The following SMARCA4 variants were observed in gnomAD, a reference collection of about 807,000 sequenced individuals.
SMARCA4 encodes the protein SWI/SNF-related matrix-associated actin-dependent regulator of chromatin subfamily A member 4.
SMARCA4 carries 31 observed loss-of-function variants against 193.9 expected under a neutral mutation model. The ratio of observed to expected loss-of-function variants is 0.16; its 90% CI spans 0.12 to 0.22. The LOEUF (loss-of-function observed/expected upper bound fraction) is 0.22, where lower values mean the gene tolerates loss of function less well. SMARCA4 is among the 10% of genes least tolerant of loss of function. The pLI is 1.00. For synonymous variants in SMARCA4, 942 were observed against 933.1 expected (o/e 1.01, Z -0.17); for missense variants, 1,148 against 2,296.0 (o/e 0.50, Z 10.22).
intron 1 of SMARCA4, among the ~76,000 whole-genome samples, chr19:10,982,888 G>A (rs565329792): frequency 5.9e-5 from 9 of 152,250 alleles, no homozygotes; most frequent in Non-Finnish European, 4.4e-5. Flanking sequence ...GAAATATGCC[G>A]GAGAGTTCAG....
rs1174170516 is a variant in SMARCA4 at position 11,041,718 on chromosome 19, A to G, written c.4424+158A>G. On this transcript the variant is annotated intron_variant, in intron 30 of 34. Coordinates refer to ENST00000344626, the MANE Select transcript of SMARCA4 (RefSeq NM_003072.5). The surrounding 1 kb of genome is among the most constrained non-coding windows in gnomAD (Gnocchi z 5.6). ...CTCTGTGTCTTTGAGCCTGGCCCTG[A>G]GGAACATGCTTTCTGGAACAGGGAA... Among the ~76,000 whole-genome samples the G allele has an allele frequency of 2.0e-5, 3 of 152,288 alleles. No homozygotes were observed. The highest frequency in any genetic ancestry group is 7.2e-5 in the African/African-American group (3 of 41,560).
chr19:11,018,781 C>A, intron 16 of SMARCA4, 176 bp from the exon 17 acceptor site: 1 of 723,490 alleles, frequency 1.4e-6, no homozygotes, highest in Non-Finnish European at 2.6e-6. Flanking sequence ...CCCTTCACGT[C>A]CTCGCCAGTC....
At chr19:11,008,175 A>G in intron 14 of SMARCA4, 152 bp downstream of exon 14, 1 of 729,796 alleles carries the variant, frequency 1.4e-6, no homozygotes, top group Non-Finnish European at 2.4e-6. Flanking sequence ...TATTTACTTC[A>G]CATTTCATGT....
chr19:10,978,233 T>TA (rs1213844283), intron 1 of SMARCA4, among the ~76,000 whole-genome samples: 6 of 152,212 alleles, frequency 3.9e-5, no homozygotes, highest in Admixed American at 3.3e-4. Flanking sequence ...AGCATGACCT[T>TA]ACGGTAGACG....
intron 30 of SMARCA4, among the ~76,000 whole-genome samples, chr19:11,049,051 G>A (rs1380568977): frequency 2.0e-5 from 3 of 152,146 alleles, no homozygotes; most frequent in African/African-American, 7.2e-5. Flanking sequence ...GTACCATGCC[G>A]GCAGTGCTGG....
rs2145747151 is a variant in SMARCA4 at position 10,985,256 on chromosome 19, C to T, written c.223-17C>T. ...GTTCCACATGCTGACCCTGCCTTGC[C>T]ATGGTCCCTCTCGCAGCCCATGGAG... On this transcript the variant is annotated splice_polypyrimidine_tract_variant and intron_variant, in intron 2 of 34. Transcript: ENST00000344626. The surrounding 1 kb of genome is among the most constrained non-coding windows in gnomAD (Gnocchi z 4.5). 1.9e-6 allele frequency: 3 copies of T among 1,613,760 alleles called. No homozygotes were observed. The highest frequency in any genetic ancestry group is 2.2e-5 in the South Asian group (2 of 91,064).
At chr19:11,043,020 G>A (rs1039895403) in intron 30 of SMARCA4, among the ~76,000 whole-genome samples, 1 of 152,036 alleles carries the variant, frequency 6.6e-6, no homozygotes, top group Non-Finnish European at 1.5e-5. Flanking sequence ...GCCAGATGCG[G>A]TGGCTCATGC....
chr19:10,989,172 C>A, intron 6 of SMARCA4, 145 bp from the exon 7 acceptor site: 1 of 1,017,288 alleles, frequency 9.8e-7, no homozygotes, highest in Non-Finnish European at 1.5e-6. Flanking sequence ...CTGCTGTGCC[C>A]TGCGGCCAGC....
chr19:10,995,980 A>G (rs2087000583), intron 9 of SMARCA4: 3 of 609,378 alleles, frequency 4.9e-6, no homozygotes, highest in Admixed American at 4.5e-5. Context: ...TGGCCTCTGT[A>G]AATGGCTGCT....
At position 11,041,553 on chromosome 19, in the gene SMARCA4, A is replaced by G. The variant is rs878854227; in HGVS notation, c.4417A>G (p.Lys1473Glu). ...GATTGTGGATGCCGTGATCAAGTAC[A>G]AGGACAGGTAAGCGAGGAGGCGGGG... is the stretch of plus-strand genomic sequence containing the variant. ...KKIVDAVIKYKDSSSGRQLSE... is the reference protein window; with the variant it reads ...KKIVDAVIKYEDSSSGRQLSE... Residue 1473 changes from lysine (K) to glutamate (E), a missense_variant, in exon 30 of 35, where the codon AAG (lysine) becomes GAG (glutamate). By Grantham distance (56) the Lys-to-Glu change is moderately conservative (BLOSUM62 1). Around this residue, in one of 17 missense-constraint regions of SMARCA4, gnomAD observed 141 missense variants for 193.0 expected, o/e 0.73. Coordinates refer to ENST00000344626, the MANE Select transcript of SMARCA4 (RefSeq NM_003072.5). This position sits in a 1 kb window ranked among gnomAD's most constrained non-coding sequence, Gnocchi z 5.6. 7 of 1,612,860 alleles carry G rather than the reference A, an allele frequency of 4.3e-6. No homozygotes were observed. Among genetic ancestry groups the G allele is most frequent in the Non-Finnish European group, 5.9e-6 (7 of 1,179,696 alleles).
intron 29 of SMARCA4, among the ~76,000 whole-genome samples, chr19:11,037,230 C>T (rs1372290276): frequency 6.6e-6 from 1 of 152,190 alleles, no homozygotes; most frequent in Non-Finnish European, 1.5e-5. Flanking sequence ...TTTGAGGGAC[C>T]CCAGCCTGGT....
chr19:11,016,168 GC>G (rs1278253122), intron 16 of SMARCA4, among the ~76,000 whole-genome samples: 2 of 152,194 alleles, frequency 1.3e-5, no homozygotes, highest in South Asian at 4.2e-4. Flanking sequence ...AGGCGGGGGT[GC>G]CGGGCTCCTT....
In SMARCA4 at chr19:11,031,580, G is replaced by A. The variant is rs117946344; in HGVS notation, c.3546+687G>A. On this transcript the variant is annotated intron_variant, in intron 25 of 34. Transcript: ENST00000344626. The surrounding 1 kb of genome is among the most constrained non-coding windows in gnomAD (Gnocchi z 4.3). ...GTACTGAGATTAACACAGATGCGGC[G>A]TGGCCTAGCATGTGCCTCTTCCACC... 2.1e-3 allele frequency: 315 copies of A among 153,230 alleles called. No individual in the cohort carries two copies. The highest frequency in any genetic ancestry group is 3.4e-3 in the Non-Finnish European group (237 of 68,744). The allele number at this position is 153,230 out of a possible 1,614,324, so 9.5% of individuals were successfully genotyped here. A position where few individuals can be genotyped will look rare whatever the true frequency, so the allele number is the denominator to read the frequency against.
chr19:11,002,243 G>C (rs2087705582), intron 11 of SMARCA4, among the ~76,000 whole-genome samples: 1 of 152,118 alleles, frequency 6.6e-6, no homozygotes, highest in Admixed American at 6.6e-5. Context: ...GCCTTGGGAG[G>C]CCGAGGCGGG....
At chr19:11,044,483 C>T (rs567384875) in intron 30 of SMARCA4, among the ~76,000 whole-genome samples, 7 of 152,290 alleles carry the variant, frequency 4.6e-5, no homozygotes, top group African/African-American at 9.6e-5. Context: ...CGGGAACAGA[C>T]GCCTCCTTAC....
chr19:11,058,729 G>T lies in SMARCA4; in HGVS notation c.4534-59G>T, dbSNP rs1447330157. ...CGTGGGGTCTCCAGCACACAGCCAG[G>T]CCTGCGGGCAGGCGAGGCGGGGTCC... On this transcript the variant is annotated intron_variant, in intron 31 of 34. Coordinates refer to ENST00000344626, the MANE Select transcript of SMARCA4 (RefSeq NM_003072.5). The surrounding 1 kb of genome is among the most constrained non-coding windows in gnomAD (Gnocchi z 5.8). The T allele has an allele frequency of 1.4e-6, 2 of 1,438,272 alleles. No individual in the cohort carries two copies. The highest frequency in any genetic ancestry group is 1.1e-5 in the South Asian group (1 of 87,422). 89.1% of individuals were successfully genotyped at this position (1,438,272 alleles called of 1,614,324 possible).
intron 1 of SMARCA4, among the ~76,000 whole-genome samples, chr19:10,973,921 G>A (rs1009674673): frequency 1.3e-5 from 2 of 152,012 alleles, no homozygotes; most frequent in Non-Finnish European, 2.9e-5. Flanking sequence ...TGTAGTTCAC[G>A]CATAGTAAAC....
rs1269162070 is a variant in SMARCA4, at chr19:10,996,524, G to A, written c.1792G>A (p.Ala598Thr). 1.2e-6 allele frequency: 2 copies of A among 1,614,274 alleles called. No homozygotes were observed. The highest frequency in any genetic ancestry group is 3.3e-5 in the Admixed American group (2 of 60,034). ...KAENAEGQTP[A>T]IGPDGEPLDE... ...AGAAAATGCAGAAGGACAGACGCCT[G>A]CCATTGGGCCGGATGGCGAGGTGAG... Residue 598 changes from alanine to threonine, a missense_variant, in exon 11 of 35, where the codon GCC becomes ACC. Ala to Thr is a moderately conservative substitution (Grantham distance 58, BLOSUM62 0). Around this residue, in one of 17 missense-constraint regions of SMARCA4, gnomAD observed 115 missense variants for 175.1 expected, o/e 0.66. Coordinates refer to ENST00000344626, the MANE Select transcript of SMARCA4 (RefSeq NM_003072.5).
rs551386445 is a variant in SMARCA4, at chr19:11,026,443, T to G, written c.3215+97T>G. 83 of 875,836 alleles carry G rather than the reference T, an allele frequency of 9.5e-5. No homozygotes were observed. In the African/African-American group the frequency reaches 1.3e-3, roughly 14 times the overall value. The allele number at this position is 875,836 out of a possible 1,614,324, so 54.3% of individuals were successfully genotyped here. ...TATTGCTGCTGTTATGTTGTCCAAT[T>G]TCAAAGGCAGAAAATTAGAAAATAC... is the stretch of plus-strand genomic sequence containing the variant. On this transcript the variant is annotated intron_variant, in intron 23 of 34. Coordinates refer to ENST00000344626, the MANE Select transcript of SMARCA4 (RefSeq NM_003072.5).
Sources: gnomAD v4.1 joint callset for allele counts (sites outside exome capture counted in the v4.1 genomes callset) on GRCh38, gnomAD v4.1.1 for gene constraint, gnomAD v4.1.1 regional missense constraint, Gnocchi (gnomAD v3.1) non-coding constraint, MANE v1.5 for transcripts, NCBI Gene and HGNC (gene_info 2026-07-23, HGNC 2026-07-21) for gene names.